Variants in NPAS3 observed in about 807,000 individuals in gnomAD.
NPAS3 encodes neuronal PAS domain protein 3, also known as neuronal PAS domain-containing protein 3.
Under a neutral mutation model 73.1 loss-of-function variants are expected in NPAS3, and 14 were observed. The ratio of observed to expected loss-of-function variants is 0.19; its 90% CI spans 0.13 to 0.30. NPAS3 has a LOEUF of 0.30. NPAS3 is among the 10% of genes least tolerant of loss of function. The probability of loss-of-function intolerance (pLI) is 1.00; values close to 1 mark genes in which losing one functional copy is unlikely to be tolerated. For synonymous variants in NPAS3, 620 were observed against 541.5 expected, an observed-to-expected ratio of 1.14 and a Z score of -2.01; for missense variants, 1,096 against 1,250.0, an observed-to-expected ratio of 0.88 and a Z score of 1.86.
intron 6 of NPAS3, among the ~76,000 whole-genome samples, chr14:33,721,529 A>G (rs1006995757): frequency 6.6e-6 from 1 of 152,220 alleles, no homozygotes; most frequent in Non-Finnish European, 1.5e-5. Context: ...GACTAAAAGC[A>G]ATATTGTCTC....
intron 5 of NPAS3, among the ~76,000 whole-genome samples, chr14:33,573,379 C>T (rs375065539): frequency 6.6e-6 from 1 of 152,134 alleles, no homozygotes; most frequent in East Asian, 1.9e-4. Context: ...AACCAAGCTA[C>T]GATGACCTAC....
chr14:33,718,089 G>A (rs573121102), intron 6 of NPAS3, among the ~76,000 whole-genome samples: 2 of 151,886 alleles, frequency 1.3e-5, no homozygotes, highest in South Asian at 2.1e-4. Flanking sequence ...TTTGGCACAC[G>A]CAACGCCAAA....
intron 2 of NPAS3, among the ~76,000 whole-genome samples, chr14:33,085,236 A>T (rs540357940): frequency 2.6e-5 from 4 of 152,256 alleles, no homozygotes; most frequent in African/African-American, 7.2e-5. Flanking sequence ...AATCCTGTAT[A>T]GACAGGAGTG....
At chr14:33,574,045 G>A (rs115412087) in intron 5 of NPAS3, among the ~76,000 whole-genome samples, 1 of 152,194 alleles carries the variant, frequency 6.6e-6, no homozygotes, top group African/African-American at 2.4e-5. Context: ...TGGGACATCT[G>A]TTGAATGGAC....
In NPAS3 at chr14:33,518,254, GC is replaced by G. The variant is rs554385212; in HGVS notation, c.469-41864del. On this transcript the variant is annotated intron_variant, in intron 4 of 11. Transcript: ENST00000356141. ...GGGTTGCTCATAAATTGATGCAGAG[GC>G]CCTGGAGGTAAACAGCTAGAGGAGA... Among the ~76,000 whole-genome samples the G allele has an allele frequency of 1.8e-3, 273 of 152,112 alleles. 1 individual carries two copies. Among genetic ancestry groups the G allele is most frequent in the African/African-American group, 6.3e-3 (260 of 41,520 alleles).
At chr14:33,187,285 C>T (rs971875813) in intron 2 of NPAS3, among the ~76,000 whole-genome samples, 6 of 152,142 alleles carry the variant, frequency 3.9e-5, no homozygotes, top group African/African-American at 1.4e-4. Context: ...GCTTAGTTCT[C>T]ATCTTTGTCT....
intron 4 of NPAS3, among the ~76,000 whole-genome samples, chr14:33,520,617 A>T (rs1282719611): frequency 3.3e-5 from 5 of 152,286 alleles, no homozygotes; most frequent in African/African-American, 1.2e-4. Flanking sequence ...TCAAATTTCA[A>T]TTATGACAAC....
chr14:32,977,911 T>G (rs992248439), intron 1 of NPAS3, among the ~76,000 whole-genome samples: 1 of 152,222 alleles, frequency 6.6e-6, no homozygotes, highest in African/African-American at 2.4e-5. Flanking sequence ...TATTGTTGCA[T>G]AGGTCTGGGT....
intron 4 of NPAS3, among the ~76,000 whole-genome samples, chr14:33,405,371 T>C (rs1485134907): frequency 6.6e-6 from 1 of 152,128 alleles, no homozygotes; most frequent in African/African-American, 2.4e-5. Context: ...AGGGAAAGTC[T>C]CCTTCCTTTC....
chr14:33,544,825 A>ATATATATTATATATATATATATAAT lies in NPAS3; in HGVS notation c.469-15293_469-15292insATATTATATATATATATATAATTAT. Among the ~76,000 whole-genome samples the ATATATATTATATATATATATATAAT allele has an allele frequency of 3.1e-3, 351 of 111,834 alleles. 12 individuals are homozygous for ATATATATTATATATATATATATAAT. The highest frequency in any genetic ancestry group is 8.6e-3 in the African/African-American group (209 of 24,396). The allele number at this position is 111,834 out of a possible 152,430, so 73.4% of individuals were successfully genotyped here. A position where few individuals can be genotyped will look rare whatever the true frequency, so the allele number is the denominator to read the frequency against. On this transcript the variant is annotated intron_variant, in intron 4 of 11. Coordinates refer to ENST00000356141, the Ensembl canonical transcript of NPAS3. ...ATATATATATATGTATATATAATAT[A>ATATATATTATATATATATATATAAT]TATGTGTATATATATATTATATATA...
chr14:33,694,955 A>G (rs956494680), intron 6 of NPAS3, among the ~76,000 whole-genome samples: 7 of 152,146 alleles, frequency 4.6e-5, no homozygotes, highest in African/African-American at 1.7e-4. Flanking sequence ...GATGCCCTTG[A>G]TAGCTTCTAA....
chr14:33,526,794 G>A (rs2053820236), intron 4 of NPAS3, among the ~76,000 whole-genome samples: 1 of 152,116 alleles, frequency 6.6e-6, no homozygotes, highest in South Asian at 2.1e-4. Context: ...GATGAAGACA[G>A]CAGCCAAAGC....
At chr14:33,102,365 A>G (rs537142090) in intron 2 of NPAS3, among the ~76,000 whole-genome samples, 1 of 152,180 alleles carries the variant, frequency 6.6e-6, no homozygotes, top group Non-Finnish European at 1.5e-5. Context: ...CTTCTGACTC[A>G]TAGAACACCT....
At chr14:33,013,531 C>T (rs986842136) in intron 1 of NPAS3, among the ~76,000 whole-genome samples, 9 of 152,056 alleles carry the variant, frequency 5.9e-5, no homozygotes. Context: ...AAACCTGTGA[C>T]CTCACTTCAC....
intron 5 of NPAS3, among the ~76,000 whole-genome samples, chr14:33,611,557 C>T (rs1268482827): frequency 6.6e-6 from 1 of 152,078 alleles, no homozygotes; most frequent in African/African-American, 2.4e-5. Context: ...TTATAATGCC[C>T]TCGGGAATGC....
intron 2 of NPAS3, among the ~76,000 whole-genome samples, chr14:33,070,873 G>A (rs1160241805): frequency 1.3e-5 from 2 of 152,180 alleles, no homozygotes; most frequent in African/African-American, 4.8e-5. Context: ...ATGTTAAAGC[G>A]TGTTTATAAT....
At chr14:33,785,232 G>A (rs1273113194) in intron 9 of NPAS3, among the ~76,000 whole-genome samples, 5 of 151,254 alleles carry the variant, frequency 3.3e-5, no homozygotes, top group African/African-American at 7.3e-5. Context: ...TCAGGAGTTC[G>A]AGACCAGCCT....
chr14:33,544,825 A>ATATATTATATATATATATATAAT lies in NPAS3; in HGVS notation c.469-15293_469-15292insATTATATATATATATATAATTAT. On this transcript the variant is annotated intron_variant, in intron 4 of 11. Coordinates refer to ENST00000356141, the Ensembl canonical transcript of NPAS3. The stretch of plus-strand genomic sequence containing the variant: ...ATATATATATATGTATATATAATAT[A>ATATATTATATATATATATATAAT]TATGTGTATATATATATTATATATA... Among the ~76,000 whole-genome samples the ATATATTATATATATATATATAAT allele has an allele frequency of 5.1e-3, 569 of 111,886 alleles. 27 individuals carry two copies. The highest frequency in any genetic ancestry group is 0.014 in the African/African-American group (332 of 24,416). The allele number at this position is 111,886 out of a possible 152,430, so 73.4% of individuals were successfully genotyped here. A position where few individuals can be genotyped will look rare whatever the true frequency, so the allele number is the denominator to read the frequency against.
intron 4 of NPAS3, among the ~76,000 whole-genome samples, chr14:33,546,740 G>A (rs2054863492): frequency 1.3e-5 from 2 of 152,240 alleles, no homozygotes; most frequent in African/African-American, 2.4e-5. Flanking sequence ...CTCATTGCCT[G>A]TGAGGATACG....
Sources: gnomAD v4.1 joint callset for allele counts (sites outside exome capture counted in the v4.1 genomes callset) on GRCh38, gnomAD v4.1.1 for gene constraint, MANE v1.5 for transcripts, NCBI Gene and HGNC (gene_info 2026-07-23, HGNC 2026-07-21) for gene names.